The following ANLN variants were observed in gnomAD, a reference collection of about 807,000 sequenced individuals.
ANLN encodes the protein anillin.
A neutral mutation model predicts 135.1 loss-of-function variants in ANLN; 59 were observed. That is an observed-to-expected ratio of 0.44 (90% CI 0.35 to 0.54). The LOEUF (loss-of-function observed/expected upper bound fraction) is 0.54, where lower values mean the gene tolerates loss of function less well. ANLN is among the 20% of genes least tolerant of loss of function. ANLN has a pLI of 0.00. For missense variants in ANLN, 1,182 were observed against 1,340.0 expected (o/e 0.88, Z 1.84); for synonymous variants, 406 against 456.4 (o/e 0.89, Z 1.41).
intron 23 of ANLN, among the ~76,000 whole-genome samples, chr7:36,452,190 G>A (rs1789271753): frequency 6.6e-6 from 1 of 152,084 alleles, no homozygotes; most frequent in African/African-American, 2.4e-5. Context: ...ATACCATCAG[G>A]TTACCCAGGC....
chr7:36,421,586 A>G lies in ANLN; in HGVS notation c.2164-271A>G, dbSNP rs577469734. 3.9e-5 allele frequency among the ~76,000 whole-genome samples: 6 copies of G among 152,252 alleles called. No homozygotes were observed. The East Asian group carries it at 1.2e-3, about 29-fold the overall frequency. Reference sequence around the variant, plus strand: ...ATAAAATGAATCAGATACTTTCTAAATTTCTACGTTGTTGGATGTAACCCC... The same window carrying G: ...ATAAAATGAATCAGATACTTTCTAAGTTTCTACGTTGTTGGATGTAACCCC... On this transcript the variant is annotated intron_variant, in intron 12 of 23. Transcript: ENST00000265748.
intron 22 of ANLN, chr7:36,449,106 A>G (rs1226161674): frequency 2.0e-5 from 3 of 152,220 alleles, no homozygotes; most frequent in African/African-American, 7.2e-5. Context: ...CTGTTGGCTC[A>G]TGTGTGCCTA....
chr7:36,406,552 A>G lies in ANLN; in HGVS notation c.859A>G (p.Ile287Val). Residue 287 changes from isoleucine to valine, a missense_variant, in exon 4 of 24, where the codon ATT becomes GTT. Transcript: ENST00000265748. ...ADDASLVNAS[I>V]SSSVKATSPV... ...TGATGCGTCTTTGGTTAATGCCTCA[A>G]TTTCCAGCTCTGTGGTAAGTCAGTA... 2.7e-6 allele frequency: 4 copies of G among 1,507,384 alleles called. No individual in the cohort carries two copies. Among genetic ancestry groups the G allele is most frequent in the Non-Finnish European group, 3.5e-6 (4 of 1,128,638 alleles). 93.4% of individuals were successfully genotyped at this position (1,507,384 alleles called of 1,614,324 possible). A position where few individuals can be genotyped will look rare whatever the true frequency, so the allele number is the denominator to read the frequency against.
At chr7:36,414,102 T>G (rs1432322380) in intron 7 of ANLN, among the ~76,000 whole-genome samples, 4 of 152,128 alleles carry the variant, frequency 2.6e-5, no homozygotes, top group African/African-American at 7.2e-5. Flanking sequence ...TCTACTGGGT[T>G]TTGAAGCAAG....
intron 1 of ANLN, 21 bp from the exon 2 acceptor site, chr7:36,396,244 AC>A (rs1786689371): frequency 6.5e-7 from 1 of 1,543,854 alleles, no homozygotes; most frequent in Non-Finnish European, 8.8e-7. Context: ...GTGTTTTAAC[AC>A]TGATATATTT....
intron 1 of ANLN, among the ~76,000 whole-genome samples, chr7:36,393,026 TTTTTCG>T (rs1786545759): frequency 1.3e-5 from 2 of 149,018 alleles, no homozygotes; most frequent in East Asian, 4.0e-4. Flanking sequence ...TCTTTTTTCT[TTTTTCG>T]TTTTTTTTTT....
At position 36,444,713 on chromosome 7, in the gene ANLN, T is replaced by A. The variant is rs893346066; in HGVS notation, c.3078+851T>A. Among the ~76,000 whole-genome samples the A allele has an allele frequency of 2.0e-5, 3 of 152,128 alleles. No homozygotes were observed. In the East Asian group the frequency reaches 5.8e-4, roughly 29 times the overall value. ...TCATCCATAATAGACATAGCTATTG[T>A]TCATATTTTGGTTAGATATGTTTTC... On this transcript the variant is annotated intron_variant, in intron 22 of 23. Coordinates refer to ENST00000265748, the MANE Select transcript of ANLN (RefSeq NM_018685.5).
At chr7:36,438,979 T>A (rs1220546697) in intron 20 of ANLN, among the ~76,000 whole-genome samples, 1 of 152,228 alleles carries the variant, frequency 6.6e-6, no homozygotes, top group African/African-American at 2.4e-5. Flanking sequence ...ACTTGAGACT[T>A]AGGGCTTTTG....
chr7:36,413,419 C>T (rs1042393236), intron 7 of ANLN, among the ~76,000 whole-genome samples: 4 of 152,188 alleles, frequency 2.6e-5, no homozygotes, highest in Non-Finnish European at 5.9e-5. Context: ...TTGACATTGT[C>T]GATCACTCTT....
At chr7:36,440,392 G>A (rs922720568) in intron 21 of ANLN, among the ~76,000 whole-genome samples, 2 of 152,212 alleles carry the variant, frequency 1.3e-5, no homozygotes, top group Non-Finnish European at 2.9e-5. Context: ...ATTATTGGGT[G>A]ATCATTCTGG....
chr7:36,420,448 T>C (rs1583624800), intron 11 of ANLN, 134 bp downstream of exon 11: 2 of 1,307,478 alleles, frequency 1.5e-6, no homozygotes, highest in East Asian at 4.7e-5. Flanking sequence ...TTTGTTAGCC[T>C]CTCTTTCACC....
intron 22 of ANLN, among the ~76,000 whole-genome samples, 156 bp downstream of exon 22, chr7:36,444,018 A>G (rs1313484419): frequency 6.6e-6 from 1 of 152,234 alleles, no homozygotes; most frequent in Non-Finnish European, 1.5e-5. Context: ...GGCCAGGCGC[A>G]GTGGCTTACG....
intron 12 of ANLN, 72 bp downstream of exon 12, chr7:36,420,816 G>T: frequency 1.3e-6 from 2 of 1,519,416 alleles, no homozygotes; most frequent in Non-Finnish European, 9.0e-7. Context: ...AGGACAAAGG[G>T]CCCAGCCTTA....
chr7:36,435,394 G>C (rs1231723414), intron 20 of ANLN, among the ~76,000 whole-genome samples: 1 of 150,766 alleles, frequency 6.6e-6, no homozygotes, highest in African/African-American at 2.4e-5. Flanking sequence ...GTGGGGGGGG[G>C]GTCTCAGTAT....
At chr7:36,406,899 T>C (rs556704333) in intron 4 of ANLN, among the ~76,000 whole-genome samples, 1 of 152,140 alleles carries the variant, frequency 6.6e-6, no homozygotes, top group African/African-American at 2.4e-5. Flanking sequence ...AATATATATA[T>C]GAGAAATTTA....
intron 23 of ANLN, among the ~76,000 whole-genome samples, chr7:36,450,766 C>T (rs757077373): frequency 1.3e-5 from 2 of 152,136 alleles, no homozygotes; most frequent in Admixed American, 6.5e-5. Context: ...TGTTTGATAG[C>T]GACGTGTCCA....
chr7:36,406,878 A>G (rs1787213746), intron 4 of ANLN, among the ~76,000 whole-genome samples: 2 of 152,174 alleles, frequency 1.3e-5, no homozygotes, highest in African/African-American at 2.4e-5. Context: ...GTCCTCTGTT[A>G]TAATGCTTTA....
rs550684105 is a variant in ANLN, at chr7:36,452,850, C to T, written c.*250C>T. On this transcript the variant is annotated 3_prime_UTR_variant, in exon 24 of 24. Transcript: ENST00000265748. ...AATCTTAATTTAAAAGCCTCATTTT[C>T]CTAGAAATCTAATTATTCAGTTATT... The T allele has an allele frequency of 1.2e-3, 322 of 271,618 alleles. No homozygotes were observed. Among genetic ancestry groups the T allele is most frequent in the African/African-American group, 6.9e-3 (311 of 45,236 alleles). The allele number at this position is 271,618 out of a possible 1,614,324, so 16.8% of individuals were successfully genotyped here. A position where few individuals can be genotyped will look rare whatever the true frequency, so the allele number is the denominator to read the frequency against.
chr7:36,452,646 A>C lies in ANLN; in HGVS notation c.*46A>C, dbSNP rs1224038728. ...TCTAGAGGTTTTTGATGTCATCTTAAGAAACACACTTAAGAGCATCAGATT... is the reference window on the plus strand; with the variant it reads ...TCTAGAGGTTTTTGATGTCATCTTACGAAACACACTTAAGAGCATCAGATT... On this transcript the variant is annotated 3_prime_UTR_variant, in exon 24 of 24. Coordinates refer to ENST00000265748, the MANE Select transcript of ANLN (RefSeq NM_018685.5). 1.9e-6 allele frequency: 3 copies of C among 1,604,504 alleles called. No homozygotes were observed. Among genetic ancestry groups the C allele is most frequent in the Non-Finnish European group, 2.6e-6 (3 of 1,173,868 alleles).
Sources: gnomAD v4.1 joint callset for allele counts (sites outside exome capture counted in the v4.1 genomes callset) on GRCh38, gnomAD v4.1.1 for gene constraint, MANE v1.5 for transcripts, NCBI Gene and HGNC (gene_info 2026-07-23, HGNC 2026-07-21) for gene names.